Variants in PDE1A observed in about 807,000 individuals in gnomAD.
PDE1A encodes the protein phosphodiesterase 1A.
PDE1A carries 35 observed loss-of-function variants against 61.7 expected under a neutral mutation model. The ratio of observed to expected loss-of-function variants is 0.57; its 90% CI spans 0.43 to 0.75. The LOEUF (loss-of-function observed/expected upper bound fraction) is 0.75, where lower values mean the gene tolerates loss of function less well. Among genes scored for constraint, PDE1A ranks in the 30% least tolerant of loss-of-function variants. The pLI, the probability that PDE1A is intolerant of heterozygous loss-of-function variation, is 0.00. For missense variants in PDE1A, 597 were observed against 630.6 expected (o/e 0.95, Z 0.57); for synonymous variants, 232 against 213.2 (o/e 1.09, Z -0.77).
intron 2 of PDE1A, among the ~76,000 whole-genome samples, chr2:182,458,776 T>C (rs1487848750): frequency 6.6e-6 from 1 of 152,052 alleles, no homozygotes; most frequent in Non-Finnish European, 1.5e-5. Context: ...GTCAAAGCTG[T>C]AGGCAACCAC....
intron 2 of PDE1A, among the ~76,000 whole-genome samples, chr2:182,482,409 T>A (rs1687758958): frequency 6.6e-6 from 1 of 151,634 alleles, no homozygotes; most frequent in African/African-American, 2.4e-5. Context: ...TTTTCATTTG[T>A]CAAAAAAAGA....
At chr2:182,356,586 C>T (rs115129148) in intron 1 of PDE1A, among the ~76,000 whole-genome samples, 150 of 152,028 alleles carry the variant, frequency 9.9e-4, no homozygotes, top group African/African-American at 3.4e-3. Context: ...CCCATCTCCA[C>T]AGAAAATACA....
At chr2:182,471,042 C>CT (rs765958788) in intron 2 of PDE1A, among the ~76,000 whole-genome samples, 1 of 151,662 alleles carries the variant, frequency 6.6e-6, no homozygotes, top group Non-Finnish European at 1.5e-5. Flanking sequence ...CGAGAGTAGG[C>CT]AAATGACAAT....
At chr2:182,587,506 T>C in the PDE1A span, among the ~76,000 whole-genome samples, 4 of 152,248 alleles carry the variant, frequency 2.6e-5, no homozygotes, top group Admixed American at 1.3e-4. Flanking sequence ...TTTTCACTAT[T>C]GCACAAATAA....
intron 2 of PDE1A, among the ~76,000 whole-genome samples, chr2:182,451,627 T>C (rs1685528044): frequency 6.6e-6 from 1 of 152,134 alleles, no homozygotes; most frequent in Non-Finnish European, 1.5e-5. Flanking sequence ...AGAATTCTGC[T>C]ATTGTTTCAA....
At chr2:182,511,203 GTCAA>G (rs1689761168) in intron 2 of PDE1A, among the ~76,000 whole-genome samples, 13 of 151,720 alleles carry the variant, frequency 8.6e-5, no homozygotes, top group Admixed American at 6.6e-4. Flanking sequence ...AGTCAAGATG[GTCAA>G]CTAGATGTAG....
At chr2:182,502,198 CCAAA>C (rs1477815747) in intron 2 of PDE1A, among the ~76,000 whole-genome samples, 1 of 152,134 alleles carries the variant, frequency 6.6e-6, no homozygotes, top group African/African-American at 2.4e-5. Context: ...GCAAATGTTC[CCAAA>C]CATTCTGTCT....
chr2:182,643,196 C>T, the PDE1A span, among the ~76,000 whole-genome samples: 2 of 152,276 alleles, frequency 1.3e-5, no homozygotes, highest in African/African-American at 4.8e-5. Flanking sequence ...CCTCCAGCTC[C>T]GTATTAGCCA....
intron 1 of PDE1A, among the ~76,000 whole-genome samples, chr2:182,404,147 A>T (rs1264726062): frequency 6.6e-6 from 1 of 152,240 alleles, no homozygotes; most frequent in East Asian, 1.9e-4. Context: ...CTATGCTTCA[A>T]ATAGGCTGAA....
the PDE1A span, among the ~76,000 whole-genome samples, chr2:182,599,292 G>A: frequency 2.0e-5 from 3 of 152,184 alleles, no homozygotes; most frequent in Non-Finnish European, 4.4e-5. Context: ...AACTAAAGCA[G>A]CTGCTTGAGC....
intron 1 of PDE1A, among the ~76,000 whole-genome samples, chr2:182,311,545 TA>T (rs938258983): frequency 6.6e-6 from 1 of 152,184 alleles, no homozygotes; most frequent in African/African-American, 2.4e-5. Context: ...TTTGCTTTTC[TA>T]AAATGTCATA....
At chr2:182,444,380 G>A (rs1183184531) in intron 2 of PDE1A, among the ~76,000 whole-genome samples, 1 of 152,036 alleles carries the variant, frequency 6.6e-6, no homozygotes, top group Non-Finnish European at 1.5e-5. Context: ...CAAATCATCA[G>A]TAGCATGATT....
At chr2:182,531,722 T>G in the PDE1A span, among the ~76,000 whole-genome samples, 1 of 152,210 alleles carries the variant, frequency 6.6e-6, no homozygotes, top group African/African-American at 2.4e-5. Flanking sequence ...TTAATATACT[T>G]TAAGCTCTAG....
In PDE1A at chr2:182,234,500, TA is replaced by T. The variant is rs1559230265; in HGVS notation, c.351-3del. On this transcript the variant is annotated splice_region_variant and splice_polypyrimidine_tract_variant and intron_variant, in intron 3 of 13. Transcript: ENST00000351439. ...ATATGATATGTTTTTCGGTACATTCTAAAAAAGACAAAAATAAGTGTAAATA... is the reference window on the plus strand; with the variant it reads ...ATATGATATGTTTTTCGGTACATTCTAAAAAGACAAAAATAAGTGTAAATA... 6.3e-7 allele frequency: 1 copy of T among 1,577,088 alleles called. No homozygotes were observed. The highest frequency in any genetic ancestry group is 8.7e-7 in the Non-Finnish European group (1 of 1,151,200).
chr2:182,623,511 A>G, the PDE1A span, among the ~76,000 whole-genome samples: 1 of 152,138 alleles, frequency 6.6e-6, no homozygotes, highest in Non-Finnish European at 1.5e-5. Context: ...CACAGAAGAG[A>G]GTGTCCTCAT....
intron 2 of PDE1A, among the ~76,000 whole-genome samples, chr2:182,480,868 TG>T (rs1204729840): frequency 1.3e-5 from 2 of 151,900 alleles, no homozygotes; most frequent in Non-Finnish European, 2.9e-5. Context: ...GCTGCATTCA[TG>T]GAAGGGATAT....
At chr2:182,275,797 T>A (rs1693367277) in intron 1 of PDE1A, among the ~76,000 whole-genome samples, 1 of 152,144 alleles carries the variant, frequency 6.6e-6, no homozygotes, top group Non-Finnish European at 1.5e-5. Flanking sequence ...ACATTGCCTA[T>A]GTATATCTAA....
At chr2:182,293,892 C>T (rs2125894668) in intron 1 of PDE1A, among the ~76,000 whole-genome samples, 1 of 152,240 alleles carries the variant, frequency 6.6e-6, no homozygotes, top group South Asian at 2.1e-4. Flanking sequence ...TGTTAAGCTA[C>T]TAATGACCTT....
intron 1 of PDE1A, among the ~76,000 whole-genome samples, chr2:182,386,954 G>A (rs4594404): frequency 0.023 from 3,439 of 152,374 alleles, 116 homozygotes; most frequent in African/African-American, 0.077. Context: ...CCATGATGAC[G>A]ACGGCGGTTT....
Sources: gnomAD v4.1 joint callset for allele counts (sites outside exome capture counted in the v4.1 genomes callset) on GRCh38, gnomAD v4.1.1 for gene constraint, MANE v1.5 for transcripts, NCBI Gene and HGNC (gene_info 2026-07-23, HGNC 2026-07-21) for gene names.